The following DLC1 variants were observed in gnomAD, a reference collection of about 807,000 sequenced individuals.
DLC1 encodes the protein DLC1 Rho GTPase activating protein, also known as rho GTPase-activating protein 7.
A neutral mutation model predicts 140.3 loss-of-function variants in DLC1; 54 were observed. The ratio of observed to expected loss-of-function variants is 0.38; its 90% CI spans 0.31 to 0.48. DLC1 has a LOEUF of 0.48. Among genes scored for constraint, DLC1 ranks in the 20% least tolerant of loss-of-function variants. DLC1 has a pLI of 0.96. For missense variants in DLC1, 2,536 were observed against 1,907.0 expected (o/e 1.33, Z -6.14); for synonymous variants, 986 against 728.1 (o/e 1.35, Z -5.70).
At chr8:13,566,747 CA>C (rs1804444244) in intron 1 of DLC1, 1 of 504,056 alleles carries the variant, frequency 2.0e-6, no homozygotes, top group East Asian at 3.2e-5. Flanking sequence ...CAACCCGGCG[CA>C]AGCAGCGCAA....
chr8:13,087,254 T>C (rs1432182801), intron 16 of DLC1, among the ~76,000 whole-genome samples: 2 of 152,138 alleles, frequency 1.3e-5, no homozygotes, highest in Non-Finnish European at 2.9e-5. Flanking sequence ...ACAAAAAAAT[T>C]AGCCAGGTGT....
intron 2 of DLC1, among the ~76,000 whole-genome samples, chr8:13,466,221 G>T (rs1007233810): frequency 2.0e-5 from 3 of 152,160 alleles, no homozygotes; most frequent in South Asian, 2.1e-4. Context: ...ATCATCCACA[G>T]GTCACTTCCT....
chr8:13,308,348 T>A (rs1330855413), intron 4 of DLC1, among the ~76,000 whole-genome samples: 1 of 152,206 alleles, frequency 6.6e-6, no homozygotes, highest in Non-Finnish European at 1.5e-5. Context: ...GAAAGGATAG[T>A]CAAAGTGTAG....
chr8:13,227,011 A>AAAT (rs1828822781), intron 5 of DLC1, among the ~76,000 whole-genome samples: 1 of 151,930 alleles, frequency 6.6e-6, no homozygotes, highest in Non-Finnish European at 1.5e-5. Context: ...CACAAATGAG[A>AAAT]AATAGTTCAT....
intron 1 of DLC1, among the ~76,000 whole-genome samples, chr8:13,523,613 TAAG>T (rs1367863029): frequency 1.3e-5 from 2 of 152,042 alleles, no homozygotes; most frequent in Non-Finnish European, 1.5e-5. Context: ...GTAAATAAAA[TAAG>T]AAGACAAATA....
At position 13,364,620 on chromosome 8, in the gene DLC1, C is replaced by G. The variant is rs182473652; in HGVS notation, c.1314+28933G>C. Among the ~76,000 whole-genome samples, 158 of 152,240 alleles carry G rather than the reference C, an allele frequency of 1.0e-3. No individual in the cohort carries two copies. In the Middle Eastern group the frequency reaches 0.014, roughly 13 times the overall value. ...CCTGCATAATGATACTTCTATCTCC[C>G]CTTTTGTTTACTGACCCTACATACT... On this transcript the variant is annotated intron_variant, in intron 4 of 17. Transcript: ENST00000276297.
intron 5 of DLC1, among the ~76,000 whole-genome samples, chr8:13,194,878 C>A (rs1826958790): frequency 6.6e-6 from 1 of 152,052 alleles, no homozygotes; most frequent in Non-Finnish European, 1.5e-5. Context: ...GGTGTGGTGG[C>A]ATGCGCCTGT....
At chr8:13,565,014 A>T (rs894513011) in intron 1 of DLC1, among the ~76,000 whole-genome samples, 1 of 152,116 alleles carries the variant, frequency 6.6e-6, no homozygotes, top group African/African-American at 2.4e-5. Context: ...GAAAACTATT[A>T]CTCTTCATAT....
intron 5 of DLC1, among the ~76,000 whole-genome samples, chr8:13,213,329 A>G (rs573895479): frequency 1.3e-5 from 2 of 152,298 alleles, no homozygotes; most frequent in South Asian, 4.1e-4. Flanking sequence ...CACCTATAAT[A>G]CACTTTATAT....
chr8:13,288,578 T>C (rs1280645742), intron 5 of DLC1, among the ~76,000 whole-genome samples: 1 of 152,234 alleles, frequency 6.6e-6, no homozygotes, highest in Non-Finnish European at 1.5e-5. Context: ...CAGCTAAATG[T>C]CCAGAAACTC....
intron 5 of DLC1, among the ~76,000 whole-genome samples, chr8:13,153,012 C>T (rs1363822620): frequency 2.6e-5 from 4 of 152,094 alleles, no homozygotes; most frequent in African/African-American, 9.7e-5. Flanking sequence ...CGCATATTTT[C>T]ATTTTCGCTT....
chr8:13,375,346 G>C (rs1835926970), intron 4 of DLC1, among the ~76,000 whole-genome samples: 1 of 152,118 alleles, frequency 6.6e-6, no homozygotes, highest in Non-Finnish European at 1.5e-5. Context: ...TGTGATTTTT[G>C]CACATTGATT....
At position 13,406,309 on chromosome 8, in the gene DLC1, C is replaced by T. The variant is rs377074851; in HGVS notation, c.1024-4690G>A. On this transcript the variant is annotated intron_variant, in intron 2 of 17. Transcript: ENST00000276297. ...CTGGGATTACAAGTGTGAGCCACTGCGCCTGACCTTGCCCAGTTCTTTAAA... is the reference window on the plus strand; with the variant it reads ...CTGGGATTACAAGTGTGAGCCACTGTGCCTGACCTTGCCCAGTTCTTTAAA... Among the ~76,000 whole-genome samples, 4 of 150,350 alleles carry T rather than the reference C, an allele frequency of 2.7e-5. No individual in the cohort carries two copies. In the East Asian group the frequency reaches 5.9e-4, roughly 22 times the overall value.
At chr8:13,431,507 A>T (rs1196679023) in intron 2 of DLC1, among the ~76,000 whole-genome samples, 1 of 147,112 alleles carries the variant, frequency 6.8e-6, no homozygotes, top group African/African-American at 2.5e-5. Context: ...AAAAAAAAAA[A>T]AAAAAAAAGA....
chr8:13,449,321 A>G (rs1218425695), intron 2 of DLC1, among the ~76,000 whole-genome samples: 1 of 152,218 alleles, frequency 6.6e-6, no homozygotes, highest in Non-Finnish European at 1.5e-5. Context: ...CTTTGAAACA[A>G]GAAGGAGGCA....
chr8:13,419,457 A>C (rs1026370096), intron 2 of DLC1, among the ~76,000 whole-genome samples: 21 of 152,212 alleles, frequency 1.4e-4, no homozygotes, highest in Non-Finnish European at 2.9e-4. Context: ...CCTTTTCTGC[A>C]TATGTTGAGA....
At chr8:13,359,142 T>C (rs1017620589) in intron 4 of DLC1, among the ~76,000 whole-genome samples, 36 of 152,328 alleles carry the variant, frequency 2.4e-4, no homozygotes, top group African/African-American at 8.4e-4. Flanking sequence ...GGTTTCACCG[T>C]GTTAGCCAGG....
At chr8:13,433,347 T>C (rs1337058760) in intron 2 of DLC1, among the ~76,000 whole-genome samples, 1 of 152,110 alleles carries the variant, frequency 6.6e-6, no homozygotes, top group African/African-American at 2.4e-5. Flanking sequence ...ATCTTTGGAA[T>C]AGGGTTTGGG....
intron 1 of DLC1, among the ~76,000 whole-genome samples, chr8:13,530,787 C>T (rs7846369): frequency 0.13 from 19,462 of 152,090 alleles, 1,885 homozygotes; most frequent in East Asian, 0.37. Context: ...CAAAATCTAG[C>T]TACAAATCCA....
Sources: allele counts gnomAD v4.1 joint callset (sites outside exome capture counted in the v4.1 genomes callset), GRCh38; gene constraint gnomAD v4.1.1; transcripts MANE v1.5; gene names NCBI Gene and HGNC (gene_info 2026-07-23, HGNC 2026-07-21).